Variants in TYR observed in about 807,000 individuals in gnomAD.
TYR encodes the protein LB24-AB.
A neutral mutation model predicts 51.5 loss-of-function variants in TYR; 58 were observed. The ratio of observed to expected loss-of-function variants is 1.13; its 90% confidence interval spans 0.91 to 1.40. The LOEUF is 1.40. Among genes scored for constraint, TYR ranks in the 40% most tolerant of loss-of-function variants. TYR has a pLI of 0.00. For synonymous variants in TYR, 263 were observed against 235.2 expected, an observed-to-expected ratio of 1.12 and a Z score of -1.08; for missense variants, 732 against 647.4, an observed-to-expected ratio of 1.13 and a Z score of -1.42.
intron 2 of TYR, among the ~76,000 whole-genome samples, chr11:89,221,344 T>G (rs1943910398): frequency 6.6e-6 from 1 of 152,236 alleles, no homozygotes; most frequent in South Asian, 2.1e-4. Context: ...GCTTCGTTAC[T>G]CTATTCCTCA....
chr11:89,204,410 T>TC (rs1269546035), intron 2 of TYR, among the ~76,000 whole-genome samples: 2 of 149,722 alleles, frequency 1.3e-5, no homozygotes, highest in African/African-American at 5.0e-5. Flanking sequence ...TTTTTTTTTT[T>TC]GAGATGGAGT....
intron 3 of TYR, among the ~76,000 whole-genome samples, chr11:89,231,213 C>G: frequency 6.9e-6 from 1 of 145,008 alleles, no homozygotes; most frequent in South Asian, 2.2e-4. Flanking sequence ...TTGTACTGTT[C>G]ATGGGAATGT....
At chr11:89,207,028 A>C (rs1482159719) in intron 2 of TYR, among the ~76,000 whole-genome samples, 1 of 152,124 alleles carries the variant, frequency 6.6e-6, no homozygotes, top group Non-Finnish European at 1.5e-5. Flanking sequence ...AAAGAGGTAA[A>C]GTCTCAAGTC....
intron 4 of TYR, among the ~76,000 whole-genome samples, chr11:89,290,030 A>T (rs1002410756): frequency 3.3e-5 from 5 of 152,082 alleles, no homozygotes; most frequent in African/African-American, 1.2e-4. Context: ...TCATTTGAGT[A>T]ATGGCCCCTA....
At chr11:89,198,516 T>C (rs995052486) in intron 2 of TYR, among the ~76,000 whole-genome samples, 2 of 152,078 alleles carry the variant, frequency 1.3e-5, no homozygotes, top group African/African-American at 2.4e-5. Context: ...GATAACCACA[T>C]TGGTATTCTG....
intron 3 of TYR, among the ~76,000 whole-genome samples, chr11:89,281,097 G>A (rs1308014217): frequency 6.6e-6 from 1 of 151,562 alleles, no homozygotes; most frequent in Non-Finnish European, 1.5e-5. Flanking sequence ...CAGTGCATTG[G>A]GGCTTCACAA....
At chr11:89,202,188 C>A (rs556274171) in intron 2 of TYR, among the ~76,000 whole-genome samples, 2 of 152,246 alleles carry the variant, frequency 1.3e-5, no homozygotes, top group East Asian at 3.9e-4. Flanking sequence ...CACACCCACA[C>A]ACTTATTTTT....
chr11:89,224,795 G>A (rs1223688852), intron 2 of TYR, among the ~76,000 whole-genome samples: 2 of 152,136 alleles, frequency 1.3e-5, no homozygotes, highest in Non-Finnish European at 2.9e-5. Context: ...TTGCCAACAT[G>A]TATAACTTTA....
chr11:89,212,673 G>A lies in TYR; in HGVS notation c.1037-15150G>A, dbSNP rs575124201. On this transcript the variant is annotated intron_variant, in intron 2 of 4. Transcript: ENST00000263321. ...TAGGCCAATATCCCTGATGAACATC[G>A]ATGCGAAAATCCTCAATAAAATACT... Among the ~76,000 whole-genome samples, 28 of 152,190 alleles carry A rather than the reference G, an allele frequency of 1.8e-4. 1 individual carries two copies. In the South Asian group the frequency reaches 5.0e-3, roughly 27 times the overall value.
chr11:89,186,388 C>T (rs1201838978), intron 1 of TYR, among the ~76,000 whole-genome samples: 3 of 152,110 alleles, frequency 2.0e-5, no homozygotes, highest in Non-Finnish European at 2.9e-5. Context: ...GGAGCATATG[C>T]TTGGTTCATA....
chr11:89,287,520 T>C (rs779108301), intron 4 of TYR, among the ~76,000 whole-genome samples: 2 of 151,840 alleles, frequency 1.3e-5, no homozygotes, highest in Non-Finnish European at 2.9e-5. Context: ...AAGTTTACCA[T>C]GGAAGAGAAA....
intron 3 of TYR, among the ~76,000 whole-genome samples, chr11:89,257,695 C>A (rs890374954): frequency 6.6e-6 from 1 of 152,036 alleles, no homozygotes; most frequent in African/African-American, 2.4e-5. Flanking sequence ...CTGCAGACCT[C>A]ATTTTATTTA....
At chr11:89,216,561 G>A (rs7117255) in intron 2 of TYR, among the ~76,000 whole-genome samples, 1 of 147,710 alleles carries the variant, frequency 6.8e-6, no homozygotes, top group South Asian at 2.1e-4. Flanking sequence ...GCTGAGGCTG[G>A]AGAATCGCTT....
At chr11:89,256,905 C>A (rs1183398382) in intron 3 of TYR, among the ~76,000 whole-genome samples, 3 of 151,846 alleles carry the variant, frequency 2.0e-5, no homozygotes, top group Non-Finnish European at 4.4e-5. Flanking sequence ...TATACTAGTG[C>A]TCTACAGAAC....
chr11:89,202,571 G>A (rs1431111245), intron 2 of TYR, among the ~76,000 whole-genome samples: 6 of 148,824 alleles, frequency 4.0e-5, no homozygotes, highest in East Asian at 2.0e-4. Flanking sequence ...CAGTCCTAAC[G>A]TGTTGATGTT....
intron 3 of TYR, among the ~76,000 whole-genome samples, chr11:89,254,337 C>G (rs533737065): frequency 6.6e-6 from 1 of 151,744 alleles, no homozygotes; most frequent in South Asian, 2.1e-4. Context: ...GTGATACTGT[C>G]TTCATAGAAT....
At chr11:89,285,957 T>C (rs1944780917) in intron 4 of TYR, among the ~76,000 whole-genome samples, 2 of 151,788 alleles carry the variant, frequency 1.3e-5, no homozygotes, top group Admixed American at 1.3e-4. Flanking sequence ...AATAAATATA[T>C]AAAATAAACG....
chr11:89,245,929 AAAAC>A (rs1365311376), intron 3 of TYR, among the ~76,000 whole-genome samples: 1 of 151,372 alleles, frequency 6.6e-6, no homozygotes, highest in East Asian at 1.9e-4. Context: ...TCAAAAAAAA[AAAAC>A]AAACAAACAA....
chr11:89,228,112 C>T (rs779903672), intron 3 of TYR, 142 bp downstream of exon 3: 4 of 956,086 alleles, frequency 4.2e-6, no homozygotes, highest in African/African-American at 1.6e-5. Context: ...CAAAACAGAC[C>T]TTAGGCTAAG....
Sources: allele counts gnomAD v4.1 joint callset (sites outside exome capture counted in the v4.1 genomes callset), GRCh38; gene constraint gnomAD v4.1.1; transcripts MANE v1.5; gene names NCBI Gene and HGNC (gene_info 2026-07-23, HGNC 2026-07-21).